Variants in MAGI2 observed in about 807,000 individuals in gnomAD.
The protein encoded by MAGI2 is membrane associated guanylate kinase, WW and PDZ domain containing 2, also known as membrane-associated guanylate kinase, WW and PDZ domain-containing protein 2.
A neutral mutation model predicts 133.3 loss-of-function variants in MAGI2; 35 were observed. The observed-to-expected ratio is 0.26, with a 90% CI of 0.20 to 0.35. The LOEUF is 0.35. MAGI2 is among the 10% of genes least tolerant of loss of function. The pLI, the probability that MAGI2 is intolerant of heterozygous loss-of-function variation, is 1.00. For synonymous variants in MAGI2, 729 were observed against 710.6 expected (o/e 1.03, Z -0.41); for missense variants, 1,636 against 1,863.4 (o/e 0.88, Z 2.25).
intron 3 of MAGI2, among the ~76,000 whole-genome samples, chr7:78,565,309 T>G (rs1032226670): frequency 3.3e-5 from 5 of 151,682 alleles, no homozygotes; most frequent in Admixed American, 2.0e-4. Context: ...AAAAATTTTT[T>G]TAAAAATTAG....
At chr7:78,215,823 CCA>C (rs1788214498) in intron 10 of MAGI2, among the ~76,000 whole-genome samples, 1 of 152,168 alleles carries the variant, frequency 6.6e-6, no homozygotes, top group Non-Finnish European at 1.5e-5. Flanking sequence ...ATAAAATCTT[CCA>C]CAGATTTGGC....
At chr7:78,145,547 C>T (rs968413182) in intron 16 of MAGI2, among the ~76,000 whole-genome samples, 10 of 152,146 alleles carry the variant, frequency 6.6e-5, no homozygotes, top group East Asian at 1.9e-4. Flanking sequence ...ATAAGGATTA[C>T]GCCCTCATGG....
chr7:78,531,614 A>G (rs1252931749), intron 3 of MAGI2, among the ~76,000 whole-genome samples: 1 of 152,222 alleles, frequency 6.6e-6, no homozygotes. Context: ...ACAAATTTAT[A>G]AATGGGCATT....
At chr7:78,963,334 C>G (rs970885329) in intron 2 of MAGI2, among the ~76,000 whole-genome samples, 2 of 152,162 alleles carry the variant, frequency 1.3e-5, no homozygotes, top group South Asian at 4.1e-4. Flanking sequence ...ATCTGGCAAG[C>G]TTTTATTATG....
intron 4 of MAGI2, among the ~76,000 whole-genome samples, chr7:78,521,032 A>AT (rs1376903036): frequency 2.0e-5 from 3 of 152,152 alleles, no homozygotes; most frequent in Non-Finnish European, 4.4e-5. Flanking sequence ...CGAAGAATAG[A>AT]TTTTCTCTAA....
chr7:79,010,413 A>G (rs943726905), intron 1 of MAGI2, among the ~76,000 whole-genome samples: 3 of 152,168 alleles, frequency 2.0e-5, no homozygotes, highest in African/African-American at 4.8e-5. Context: ...CTGAGTCTCA[A>G]AATGATCTGA....
chr7:79,311,144 A>G (rs539701424), intron 1 of MAGI2, among the ~76,000 whole-genome samples: 24 of 152,220 alleles, frequency 1.6e-4, no homozygotes, highest in African/African-American at 5.5e-4. Context: ...ATAAAAGATC[A>G]CCAATTACCC....
intron 1 of MAGI2, among the ~76,000 whole-genome samples, chr7:79,236,125 G>A (rs1831903635): frequency 6.6e-6 from 1 of 152,142 alleles, no homozygotes; most frequent in Non-Finnish European, 1.5e-5. Context: ...TCAGGAAAAA[G>A]CATACTTTTC....
chr7:78,877,110 C>CTTTGT (rs1795489366), intron 2 of MAGI2, among the ~76,000 whole-genome samples: 1 of 152,086 alleles, frequency 6.6e-6, no homozygotes, highest in Admixed American at 6.5e-5. Context: ...TTTATCAAAT[C>CTTTGT]TTTGTTTAGG....
chr7:78,369,086 C>T, intron 7 of MAGI2, 70 bp downstream of exon 7: 2 of 1,145,426 alleles, frequency 1.7e-6, no homozygotes, highest in Non-Finnish European at 2.5e-6. Flanking sequence ...CACACATGCT[C>T]AATAAATAAA....
intron 2 of MAGI2, among the ~76,000 whole-genome samples, chr7:78,797,162 C>T (rs1205611106): frequency 1.3e-5 from 2 of 151,984 alleles, no homozygotes; most frequent in Admixed American, 6.6e-5. Flanking sequence ...AGAAAAGATA[C>T]ATGTTTGAGA....
intron 1 of MAGI2, among the ~76,000 whole-genome samples, chr7:79,344,245 A>G (rs1841138960): frequency 1.3e-5 from 2 of 152,138 alleles, no homozygotes; most frequent in South Asian, 4.1e-4. Flanking sequence ...ATGAATCAAT[A>G]CTAATTACAT....
chr7:78,754,028 G>A (rs1288517669), intron 2 of MAGI2, among the ~76,000 whole-genome samples: 9 of 152,132 alleles, frequency 5.9e-5, no homozygotes, highest in Non-Finnish European at 4.4e-5. Context: ...TCTTCAGCCA[G>A]AGAAAACTGA....
intron 10 of MAGI2, among the ~76,000 whole-genome samples, chr7:78,210,450 G>C (rs1212387255): frequency 6.6e-6 from 1 of 152,178 alleles, no homozygotes; most frequent in Non-Finnish European, 1.5e-5. Flanking sequence ...GTGTATGATG[G>C]TGTTGTTGGC....
rs181988711 is a variant in MAGI2, at chr7:78,827,337, A to G, written c.418+179753T>C. Among the ~76,000 whole-genome samples the G allele has an allele frequency of 8.4e-4, 128 of 152,258 alleles. 1 individual carries two copies. Among genetic ancestry groups the G allele is most frequent in the African/African-American group, 3.0e-3 (123 of 41,546 alleles). ...TCTGTCACTAAGGCTGCAGTGCAGTAGCATGATGATAGCTCACTGCAGCCT... is the reference window on the plus strand; with the variant it reads ...TCTGTCACTAAGGCTGCAGTGCAGTGGCATGATGATAGCTCACTGCAGCCT... On this transcript the variant is annotated intron_variant, in intron 2 of 21. Coordinates refer to ENST00000354212, the MANE Select transcript of MAGI2 (RefSeq NM_012301.4).
chr7:78,132,767 T>G (rs892320395), intron 18 of MAGI2, 122 bp downstream of exon 18: 2 of 1,401,478 alleles, frequency 1.4e-6, no homozygotes, highest in East Asian at 2.3e-5. Flanking sequence ...CACAAAGGTA[T>G]GCACGGCGAT....
chr7:79,184,812 T>C (rs1183472293), intron 1 of MAGI2, among the ~76,000 whole-genome samples: 3 of 151,874 alleles, frequency 2.0e-5, no homozygotes, highest in Non-Finnish European at 4.4e-5. Context: ...ATAACTTTTT[T>C]CTTTTCTTTT....
chr7:78,592,828 C>CTTTTTTTTT (rs10675572), intron 3 of MAGI2, among the ~76,000 whole-genome samples: 7 of 106,870 alleles, frequency 6.6e-5, no homozygotes, highest in South Asian at 3.2e-4. Flanking sequence ...TACTGATTCT[C>CTTTTTTTTT]TTTTTTTTTT....
At chr7:79,415,949 A>G (rs1425354539) in intron 1 of MAGI2, among the ~76,000 whole-genome samples, 1 of 152,132 alleles carries the variant, frequency 6.6e-6, no homozygotes. Flanking sequence ...ACTTAGTAAG[A>G]AAATAAATTG....
Sources: gnomAD v4.1 joint callset for allele counts (sites outside exome capture counted in the v4.1 genomes callset) on GRCh38, gnomAD v4.1.1 for gene constraint, MANE v1.5 for transcripts, NCBI Gene and HGNC (gene_info 2026-07-23, HGNC 2026-07-21) for gene names.